Variants in CCDC149 observed in about 807,000 individuals in gnomAD.
The protein encoded by CCDC149 is coiled-coil domain containing 149.
Under a neutral mutation model 59.9 loss-of-function variants are expected in CCDC149, and 45 were observed. The ratio of observed to expected loss-of-function variants is 0.75; its 90% CI spans 0.59 to 0.96. The LOEUF is 0.96. Among genes scored for constraint, CCDC149 ranks in the 40% least tolerant of loss-of-function variants. The pLI is 0.00. For synonymous variants in CCDC149, 245 were observed against 260.6 expected (o/e 0.94, Z 0.58); for missense variants, 584 against 664.7 (o/e 0.88, Z 1.33).
At chr4:24,975,216 C>A (rs1247472920) in intron 1 of CCDC149, among the ~76,000 whole-genome samples, 1 of 151,210 alleles carries the variant, frequency 6.6e-6, no homozygotes, top group African/African-American at 2.4e-5. Flanking sequence ...CTCAGGTATT[C>A]TATGATAACT....
In CCDC149 at chr4:24,863,820, A is replaced by G. The variant is rs2109214012; in HGVS notation, c.264+9861T>C. On this transcript the variant is annotated intron_variant, in intron 3 of 12. Coordinates refer to ENST00000635206, the MANE Select transcript of CCDC149 (RefSeq NM_001330643.2). ...TCTTTGTTCTTCCCTGCACTTACCT[A>G]TTTAGGAAAGTTTTAGGCTATTAGC... 2.0e-5 allele frequency among the ~76,000 whole-genome samples: 3 copies of G among 152,296 alleles called. No homozygotes were observed. The Middle Eastern group carries it at 0.01, about 518-fold the overall frequency.
chr4:24,844,178 C>T (rs1442192661), intron 4 of CCDC149, among the ~76,000 whole-genome samples: 7 of 152,204 alleles, frequency 4.6e-5, no homozygotes. Context: ...CGTTCATCTG[C>T]TTGTGTCTAC....
chr4:24,873,816 T>TGGGGGC, intron 2 of CCDC149, 97 bp from the exon 3 acceptor site: 2 of 762,614 alleles, frequency 2.6e-6, no homozygotes, highest in Non-Finnish European at 4.4e-6. Flanking sequence ...ATGTAGACTC[T>TGGGGGC]CCCCACCCTC....
chr4:24,861,416 T>C (rs1264557723), intron 3 of CCDC149, among the ~76,000 whole-genome samples: 1 of 152,060 alleles, frequency 6.6e-6, no homozygotes, highest in Non-Finnish European at 1.5e-5. Context: ...TTCTCACTGA[T>C]ATGTGGGAGT....
intron 3 of CCDC149, among the ~76,000 whole-genome samples, chr4:24,864,352 A>C (rs1437797795): frequency 6.6e-6 from 1 of 152,196 alleles, no homozygotes; most frequent in African/African-American, 2.4e-5. Flanking sequence ...GTAGAAACTA[A>C]GATTGGCCTT....
At chr4:24,873,951 A>G (rs756362825) in intron 2 of CCDC149, among the ~76,000 whole-genome samples, 2 of 150,742 alleles carry the variant, frequency 1.3e-5, no homozygotes, top group Middle Eastern at 3.4e-3. Flanking sequence ...GACCAAATCT[A>G]TATATTTCCT....
chr4:24,885,562 G>A (rs2695223), intron 1 of CCDC149, among the ~76,000 whole-genome samples: 27,632 of 152,186 alleles, frequency 0.18, 2,625 homozygotes, highest in Non-Finnish European at 0.22. Context: ...GGCTGGTGCC[G>A]GAATCACATC....
chr4:24,939,450 CAG>C (rs1363069366), intron 1 of CCDC149, among the ~76,000 whole-genome samples: 1 of 152,122 alleles, frequency 6.6e-6, no homozygotes, highest in Non-Finnish European at 1.5e-5. Context: ...GCGGAAAAAA[CAG>C]AGCAGAAAAA....
At chr4:24,879,486 CAGCTGGGCAAAAAG>C (rs1212110958) in intron 1 of CCDC149, among the ~76,000 whole-genome samples, 17 of 148,426 alleles carry the variant, frequency 1.1e-4, no homozygotes, top group African/African-American at 4.3e-4. Context: ...CATTGCACAC[CAGCTGGGCAAAAAG>C]AGCGAAACTC....
chr4:24,853,144 G>A lies in CCDC149; in HGVS notation c.300C>T (p.Asp100=), dbSNP rs566776867. 3 of 1,613,268 alleles carry A rather than the reference G, an allele frequency of 1.9e-6. No homozygotes were observed. The highest frequency in any genetic ancestry group is 2.7e-5 in the African/African-American group (2 of 74,816). ...TTTCTTCTCCCAGATGTTTATTTCG[G>A]TCCTGAGAATCTCTCAATAGTTGTG... is the stretch of plus-strand genomic sequence containing the variant. The change falls in exon 4 of 13, where the codon GAC becomes GAT. Residue 100 remains aspartate, a synonymous_variant. Coordinates refer to ENST00000635206, the MANE Select transcript of CCDC149 (RefSeq NM_001330643.2).
At chr4:24,835,957 A>G (rs886637511) in intron 7 of CCDC149, among the ~76,000 whole-genome samples, 2 of 152,222 alleles carry the variant, frequency 1.3e-5, no homozygotes, top group African/African-American at 4.8e-5. Flanking sequence ...GAATTTAAAC[A>G]TTCTGTCCTT....
intron 9 of CCDC149, among the ~76,000 whole-genome samples, chr4:24,825,788 C>A (rs1428684569): frequency 6.6e-6 from 1 of 151,124 alleles, no homozygotes; most frequent in Non-Finnish European, 1.5e-5. Context: ...AAAAAAAACA[C>A]ACACATGCTT....
intron 1 of CCDC149, among the ~76,000 whole-genome samples, chr4:24,919,954 G>C (rs1431023467): frequency 1.3e-5 from 2 of 152,196 alleles, no homozygotes; most frequent in Non-Finnish European, 2.9e-5. Flanking sequence ...TACAAGAGAA[G>C]ATATAGAGGC....
chr4:24,930,128 A>C (rs892259522), intron 1 of CCDC149, among the ~76,000 whole-genome samples: 2 of 152,234 alleles, frequency 1.3e-5, no homozygotes, highest in Non-Finnish European at 2.9e-5. Flanking sequence ...GAGACCCTGT[A>C]ACTGGGTGAG....
intron 1 of CCDC149, among the ~76,000 whole-genome samples, chr4:24,880,997 T>A (rs1309516685): frequency 6.6e-6 from 1 of 152,146 alleles, no homozygotes; most frequent in Non-Finnish European, 1.5e-5. Flanking sequence ...GGGTAAGGGC[T>A]CCAGTCCAGA....
chr4:24,866,890 GTA>G (rs1718738270), intron 3 of CCDC149, among the ~76,000 whole-genome samples: 1 of 151,276 alleles, frequency 6.6e-6, no homozygotes, highest in African/African-American at 2.4e-5. Flanking sequence ...GGCTTAGCAG[GTA>G]AAAATTCCTA....
chr4:24,910,894 T>C (rs1403489649), intron 1 of CCDC149, among the ~76,000 whole-genome samples: 1 of 152,148 alleles, frequency 6.6e-6, no homozygotes, highest in Non-Finnish European at 1.5e-5. Context: ...ATGCTTAATA[T>C]GAAGGATGCA....
chr4:24,945,067 G>A (rs953547734), intron 1 of CCDC149, among the ~76,000 whole-genome samples: 1 of 152,142 alleles, frequency 6.6e-6, no homozygotes, highest in Non-Finnish European at 1.5e-5. Context: ...TGCTTTAGAG[G>A]GTTCCAAATC....
rs191114921 is a variant in CCDC149, at chr4:24,835,387, T to G, written c.736-355A>C. On this transcript the variant is annotated intron_variant, in intron 7 of 12. Coordinates refer to ENST00000635206, the MANE Select transcript of CCDC149 (RefSeq NM_001330643.2). ...TTCCTTCTGAATAGACATGAGATGG[T>G]GACTAGGTTTATTTCCATGCACCAA... is the stretch of plus-strand genomic sequence containing the variant. 8.3e-4 allele frequency among the ~76,000 whole-genome samples: 126 copies of G among 152,276 alleles called. 1 individual carries two copies. Among genetic ancestry groups the G allele is most frequent in the African/African-American group, 3.0e-3 (123 of 41,550 alleles).
Sources: allele counts gnomAD v4.1 joint callset (sites outside exome capture counted in the v4.1 genomes callset), GRCh38; gene constraint gnomAD v4.1.1; transcripts MANE v1.5; gene names NCBI Gene and HGNC (gene_info 2026-07-23, HGNC 2026-07-21).